The following AMPH variants were observed in gnomAD, a reference collection of about 807,000 sequenced individuals.
The protein encoded by AMPH is amphiphysin.
A neutral mutation model predicts 99.1 loss-of-function variants in AMPH; 49 were observed. The ratio of observed to expected loss-of-function variants is 0.49; its 90% CI spans 0.39 to 0.63. The LOEUF (loss-of-function observed/expected upper bound fraction) is 0.63. Among genes scored for constraint, AMPH ranks in the 20% least tolerant of loss-of-function variants. AMPH has a pLI of 0.00. For missense variants in AMPH, 759 were observed against 863.4 expected (o/e 0.88, Z 1.52); for synonymous variants, 314 against 317.3 (o/e 0.99, Z 0.11).
intron 6 of AMPH, among the ~76,000 whole-genome samples, chr7:38,476,297 A>G (rs1480561228): frequency 6.6e-6 from 1 of 152,186 alleles, no homozygotes; most frequent in Non-Finnish European, 1.5e-5. Context: ...GCAGTTGAGA[A>G]ACATATCTCG....
chr7:38,613,314 T>A (rs937204683), intron 1 of AMPH, among the ~76,000 whole-genome samples: 1 of 151,756 alleles, frequency 6.6e-6, no homozygotes, highest in Non-Finnish European at 1.5e-5. Context: ...CCTTATAGCA[T>A]CATCATACCT....
chr7:38,494,380 G>A, intron 4 of AMPH, 53 bp downstream of exon 4: 3 of 1,456,386 alleles, frequency 2.1e-6, no homozygotes, highest in African/African-American at 1.4e-5. Context: ...TCAGGGGACA[G>A]GTGGACTGAG....
intron 1 of AMPH, among the ~76,000 whole-genome samples, chr7:38,541,444 A>G (rs146603987): frequency 3.3e-5 from 5 of 152,316 alleles, no homozygotes; most frequent in African/African-American, 9.6e-5. Context: ...CTAAGATGAA[A>G]CACTAGAAAT....
At chr7:38,626,887 T>C (rs1002638823) in intron 1 of AMPH, among the ~76,000 whole-genome samples, 16 of 108,796 alleles carry the variant, frequency 1.5e-4, no homozygotes, top group African/African-American at 4.8e-4. Context: ...CATGATAAGC[T>C]TTTTACTAAC....
chr7:38,630,967 CT>C (rs1794437553), intron 1 of AMPH, among the ~76,000 whole-genome samples: 1 of 152,146 alleles, frequency 6.6e-6, no homozygotes, highest in Non-Finnish European at 1.5e-5. Flanking sequence ...GCACCTCCTA[CT>C]TCTGTTGCCT....
rs568396722 is a variant in AMPH at position 38,566,638 on chromosome 7, G to A, written c.70-31627C>T. On this transcript the variant is annotated intron_variant, in intron 1 of 20. Coordinates refer to ENST00000356264, the MANE Select transcript of AMPH (RefSeq NM_001635.4). ...CTACAGAATGCGAGAAAATTTTTGC[G>A]ATCTACCCATCTGACAAAGGGCTAA... 4.4e-4 allele frequency among the ~76,000 whole-genome samples: 67 copies of A among 151,974 alleles called. 1 individual carries two copies. The highest frequency in any genetic ancestry group is 2.2e-3 in the Admixed American group (33 of 15,246).
chr7:38,407,048 C>CTCTCTCTCTCTCTATATATATATA (rs1241166935), intron 17 of AMPH, among the ~76,000 whole-genome samples: 1 of 31,258 alleles, frequency 3.2e-5, no homozygotes, highest in Non-Finnish European at 6.1e-5. Context: ...CTCTCTCTCT[C>CTCTCTCTCTCTCTATATATATATA]TATATATATA....
intron 2 of AMPH, among the ~76,000 whole-genome samples, chr7:38,507,745 TC>T (rs1351945764): frequency 6.6e-6 from 1 of 152,210 alleles, no homozygotes; most frequent in African/African-American, 2.4e-5. Flanking sequence ...TATTTTCCCT[TC>T]TTGTTTCTTT....
intron 1 of AMPH, among the ~76,000 whole-genome samples, chr7:38,557,265 T>A (rs1360492346): frequency 6.6e-6 from 1 of 152,242 alleles, no homozygotes; most frequent in African/African-American, 2.4e-5. Flanking sequence ...ATCACAGCCA[T>A]GGGTATAGTA....
chr7:38,384,823 C>G lies in AMPH; in HGVS notation c.2083G>C (p.Asp695His). 6.2e-7 allele frequency: 1 copy of G among 1,613,892 alleles called. No homozygotes were observed. The highest frequency in any genetic ancestry group is 1.1e-5 in the South Asian group (1 of 91,064). ...LFPENFTRRL[D>H] The stretch of plus-strand genomic sequence containing the variant: ...TTCTTGCAGTACTTGTTGCCCTAAT[C>G]TAAGCGTCGGGTGAAGTTCTCTGGA... Residue 695 changes from aspartate to histidine, a missense_variant, in exon 21 of 21, where the codon GAT becomes CAT. Around this residue, in one of 2 missense-constraint regions of AMPH, gnomAD observed 554 missense variants for 575.6 expected, o/e 0.96. Transcript: ENST00000356264.
chr7:38,395,282 T>A (rs1784636399), intron 17 of AMPH, among the ~76,000 whole-genome samples: 1 of 152,006 alleles, frequency 6.6e-6, no homozygotes, highest in Admixed American at 6.5e-5. Context: ...GAAGGGGAAA[T>A]CATTTTTGTA....
Position 38,422,607 on chromosome 7 carries a change from T to C in AMPH, c.1216-130A>G, listed in dbSNP as rs368687629. 24 of 536,126 alleles carry C rather than the reference T, an allele frequency of 4.5e-5. No individual in the cohort carries two copies. In the East Asian group the frequency reaches 7.8e-4, roughly 17 times the overall value. 33.2% of individuals were successfully genotyped at this position (536,126 alleles called of 1,614,324 possible). A position where few individuals can be genotyped will look rare whatever the true frequency, so the allele number is the denominator to read the frequency against. Reference sequence around the variant, plus strand: ...CTATCTATCTATCTATCTATCCATCTATCTATCGACACTCTATCTATCTAA... The same window carrying C: ...CTATCTATCTATCTATCTATCCATCCATCTATCGACACTCTATCTATCTAA... On this transcript the variant is annotated intron_variant, in intron 15 of 20. Transcript: ENST00000356264.
In AMPH at chr7:38,622,454, TACAC is replaced by T. The variant is rs57860314; in HGVS notation, c.69+8825_69+8828del. 9.4e-3 allele frequency among the ~76,000 whole-genome samples: 1,407 copies of T among 149,790 alleles called. 17 individuals carry two copies. Among genetic ancestry groups the T allele is most frequent in the South Asian group, 0.016 (77 of 4,690 alleles). On this transcript the variant is annotated intron_variant, in intron 1 of 20. Coordinates refer to ENST00000356264, the MANE Select transcript of AMPH (RefSeq NM_001635.4). ...CTATATATTTGTATGTATGAATACA[TACAC>T]ACACACACACACACACACACGCACA... is the stretch of plus-strand genomic sequence containing the variant.
chr7:38,591,382 T>C (rs1174843566), intron 1 of AMPH, among the ~76,000 whole-genome samples: 2 of 151,360 alleles, frequency 1.3e-5, no homozygotes, highest in Admixed American at 1.3e-4. Context: ...CTACCTCCTA[T>C]GTTCAAGTGA....
At chr7:38,624,369 C>CTTA (rs527830430) in intron 1 of AMPH, among the ~76,000 whole-genome samples, 22 of 151,312 alleles carry the variant, frequency 1.5e-4, no homozygotes, top group Non-Finnish European at 2.4e-4. Context: ...GTCTAACTCC[C>CTTA]TTATTATTAT....
rs1483765325 is a variant in AMPH, at chr7:38,473,501, G to A, written c.590+1830C>T. ...GGGTGGATCATGAGGTCAGGAGATC[G>A]AGACCATCCTGGCTAACAAGGTGAA... On this transcript the variant is annotated intron_variant, in intron 7 of 20. Coordinates refer to ENST00000356264, the MANE Select transcript of AMPH (RefSeq NM_001635.4). Among the ~76,000 whole-genome samples, 3 of 121,110 alleles carry A rather than the reference G, an allele frequency of 2.5e-5. 1 individual carries two copies. Among genetic ancestry groups the A allele is most frequent in the Admixed American group, 9.1e-5 (1 of 10,936 alleles). 79.5% of individuals were successfully genotyped at this position (121,110 alleles called of 152,430 possible).
intron 1 of AMPH, among the ~76,000 whole-genome samples, chr7:38,571,340 AG>A (rs1792008650): frequency 1.7e-5 from 1 of 58,764 alleles, no homozygotes; most frequent in Non-Finnish European, 3.0e-5. Context: ...ATTTATATAT[AG>A]AATATATATA....
At chr7:38,413,572 G>C (rs1306567628) in intron 17 of AMPH, among the ~76,000 whole-genome samples, 1 of 152,036 alleles carries the variant, frequency 6.6e-6, no homozygotes, top group Non-Finnish European at 1.5e-5. Context: ...TTAGTTTGAG[G>C]GGCATTGAAA....
chr7:38,579,989 C>T (rs1056343872), intron 1 of AMPH, among the ~76,000 whole-genome samples: 3 of 152,178 alleles, frequency 2.0e-5, no homozygotes, highest in African/African-American at 4.8e-5. Flanking sequence ...CACATAAACA[C>T]ATTGATGAAT....
Sources: allele counts gnomAD v4.1 joint callset (sites outside exome capture counted in the v4.1 genomes callset), GRCh38; gene constraint gnomAD v4.1.1; regional missense constraint gnomAD v4.1.1; transcripts MANE v1.5; gene names NCBI Gene and HGNC (gene_info 2026-07-23, HGNC 2026-07-21).